Variants in PFKFB3 observed in about 807,000 individuals in gnomAD.
PFKFB3 encodes the protein 6-phosphofructo-2-kinase/fructose-2,6-bisphosphatase 3.
A neutral mutation model predicts 68.0 loss-of-function variants in PFKFB3; 33 were observed. The observed-to-expected ratio is 0.49, with a 90% CI of 0.37 to 0.65. The LOEUF is 0.65. PFKFB3 is among the 30% of genes least tolerant of loss of function. The pLI is 0.00. For synonymous variants in PFKFB3, 315 were observed against 288.2 expected (o/e 1.09, Z -0.94); for missense variants, 586 against 712.2 (o/e 0.82, Z 2.02).
chr10:6,185,536 C>T (rs1007221051), intron 1 of PFKFB3, among the ~76,000 whole-genome samples: 1 of 152,082 alleles, frequency 6.6e-6, no homozygotes, highest in Non-Finnish European at 1.5e-5. Flanking sequence ...CCTCTTCCAC[C>T]GGGTGCTGCT....
the PFKFB3 span, among the ~76,000 whole-genome samples, chr10:6,313,958 C>A: frequency 6.6e-6 from 1 of 152,186 alleles, no homozygotes; most frequent in Admixed American, 6.5e-5. This position sits in a 1 kb window ranked among gnomAD's most constrained non-coding sequence, Gnocchi z 4.2. Flanking sequence ...AGGTGGTGGG[C>A]AGAGGAGGCA....
Position 6,226,176 on chromosome 10 carries a change from T to C in PFKFB3, c.1342-16T>C. ...GTAACTGTCGCCTTTCTCTCTTTTG[T>C]CTTTGTCTTGCTTAGGATGCAAAGA... On this transcript the variant is annotated splice_polypyrimidine_tract_variant and intron_variant, in intron 13 of 14. Coordinates refer to ENST00000379775, the MANE Select transcript of PFKFB3 (RefSeq NM_004566.4). 1.9e-6 allele frequency: 3 copies of C among 1,552,082 alleles called. No individual in the cohort carries two copies. Among genetic ancestry groups the C allele is most frequent in the Admixed American group, 4.1e-5 (2 of 48,394 alleles).
At chr10:6,324,012 A>G in the PFKFB3 span, among the ~76,000 whole-genome samples, 1 of 152,248 alleles carries the variant, frequency 6.6e-6, no homozygotes. Context: ...TTGTACACCC[A>G]CATTTATAGA....
At chr10:6,151,401 T>C (rs1354958001) in intron 1 of PFKFB3, among the ~76,000 whole-genome samples, 4 of 151,860 alleles carry the variant, frequency 2.6e-5, no homozygotes. Flanking sequence ...CAACACTCAC[T>C]TGTCAGAAAG....
chr10:6,156,129 A>ATGTGTGTATGTGTGTGTGTG (rs373582528), intron 1 of PFKFB3, among the ~76,000 whole-genome samples: 13 of 96,986 alleles, frequency 1.3e-4, no homozygotes, highest in African/African-American at 3.7e-4. Flanking sequence ...GTACATATAT[A>ATGTGTGTATGTGTGTGTGTG]TGTGTGTGTG....
chr10:6,218,104 A>G (rs1407083749), intron 6 of PFKFB3, among the ~76,000 whole-genome samples: 2 of 152,214 alleles, frequency 1.3e-5, no homozygotes, highest in African/African-American at 2.4e-5. Flanking sequence ...CAGGAGGCTC[A>G]GAGTATGAGG....
At chr10:6,273,152 G>A in the PFKFB3 span, among the ~76,000 whole-genome samples, 2 of 151,874 alleles carry the variant, frequency 1.3e-5, no homozygotes, top group Admixed American at 6.6e-5. Context: ...GATTACAGGT[G>A]TCTGCCACCA....
chr10:6,175,160 C>T (rs1158511722), intron 1 of PFKFB3, among the ~76,000 whole-genome samples: 13 of 152,184 alleles, frequency 8.5e-5, no homozygotes, highest in Admixed American at 8.5e-4. Flanking sequence ...CAGCTTCTCT[C>T]CTCAAACCTC....
chr10:6,231,950 C>T (rs953884094), intron 14 of PFKFB3, among the ~76,000 whole-genome samples: 4 of 152,206 alleles, frequency 2.6e-5, no homozygotes, highest in South Asian at 2.1e-4. Flanking sequence ...CACGCCTGGG[C>T]GATAGCTCTG....
intron 14 of PFKFB3, among the ~76,000 whole-genome samples, chr10:6,248,896 G>T (rs1424917880): frequency 6.6e-6 from 1 of 151,822 alleles, no homozygotes; most frequent in African/African-American, 2.4e-5. Flanking sequence ...CCCTTAGGTC[G>T]GGAACAGTGG....
the PFKFB3 span, among the ~76,000 whole-genome samples, chr10:6,280,364 A>G: frequency 6.6e-6 from 1 of 152,208 alleles, no homozygotes; most frequent in Non-Finnish European, 1.5e-5. Context: ...ATGTCCCTAG[A>G]AACATGTGCA....
At chr10:6,305,334 A>T in the PFKFB3 span, among the ~76,000 whole-genome samples, 26 of 137,136 alleles carry the variant, frequency 1.9e-4, no homozygotes, top group African/African-American at 6.8e-4. Flanking sequence ...ATTGTAAATT[A>T]AAAATATTAG....
At chr10:6,258,083 A>G (rs1846508735), downstream of PFKFB3, among the ~76,000 whole-genome samples, 1 of 152,256 alleles carries the variant, frequency 6.6e-6, no homozygotes, top group Admixed American at 6.5e-5. Flanking sequence ...GCAGCCATCA[A>G]TAAGAAGGAA....
intron 1 of PFKFB3, among the ~76,000 whole-genome samples, chr10:6,181,688 C>T (rs1420168090): frequency 1.3e-5 from 2 of 150,994 alleles, no homozygotes; most frequent in Non-Finnish European, 2.9e-5. Context: ...GGCCTAGTTA[C>T]TCAGGAGGCT....
At chr10:6,271,267 G>C in the PFKFB3 span, among the ~76,000 whole-genome samples, 1 of 152,224 alleles carries the variant, frequency 6.6e-6, no homozygotes, top group African/African-American at 2.4e-5. Context: ...CCTCTGCTAA[G>C]GTAAGGACGA....
At chr10:6,223,695 C>A (rs1340124431) in intron 11 of PFKFB3, among the ~76,000 whole-genome samples, 1 of 152,220 alleles carries the variant, frequency 6.6e-6, no homozygotes, top group Non-Finnish European at 1.5e-5. Context: ...GCACTCACTG[C>A]AACCTCCACC....
chr10:6,162,700 GT>G (rs1329024782), intron 1 of PFKFB3, among the ~76,000 whole-genome samples: 1 of 152,216 alleles, frequency 6.6e-6, no homozygotes, highest in African/African-American at 2.4e-5. Flanking sequence ...GCCACTCCCA[GT>G]TTGGGTGAGA....
chr10:6,176,904 C>T (rs562330887), intron 1 of PFKFB3, among the ~76,000 whole-genome samples: 10 of 152,190 alleles, frequency 6.6e-5, no homozygotes, highest in Non-Finnish European at 1.0e-4. Flanking sequence ...GCAATCTGAA[C>T]ATAAAATGCT....
chr10:6,218,409 ATTATTTATTTATTTAT>A (rs5782883), intron 6 of PFKFB3, among the ~76,000 whole-genome samples: 4,539 of 143,344 alleles, frequency 0.032, 95 homozygotes, highest in Middle Eastern at 0.094. Context: ...AATCATTTTT[ATTATTTATTTATTTAT>A]TTATTTATTT....
Sources: gnomAD v4.1 joint callset for allele counts (sites outside exome capture counted in the v4.1 genomes callset) on GRCh38, gnomAD v4.1.1 for gene constraint, Gnocchi (gnomAD v3.1) non-coding constraint, MANE v1.5 for transcripts, NCBI Gene and HGNC (gene_info 2026-07-23, HGNC 2026-07-21) for gene names.